Variants in CLTCL1 observed in about 807,000 individuals in gnomAD.
CLTCL1 encodes the protein clathrin heavy chain like 1.
CLTCL1 carries 159 observed loss-of-function variants against 190.0 expected under a neutral mutation model. The ratio of observed to expected loss-of-function variants is 0.84; its 90% CI spans 0.74 to 0.95. The LOEUF is 0.95. Ranked by LOEUF, CLTCL1 falls within the 40% of genes least tolerant of loss-of-function variation. The probability of loss-of-function intolerance (pLI) is 0.00; values close to 1 mark genes in which losing one functional copy is unlikely to be tolerated. For missense variants in CLTCL1, 1,878 were observed against 2,033.4 expected (o/e 0.92, Z 1.47); for synonymous variants, 752 against 769.6 (o/e 0.98, Z 0.38).
At chr22:19,180,371 C>A (rs2084091110) in intron 31 of CLTCL1, 133 bp from the exon 32 acceptor site, 2 of 972,872 alleles carry the variant, frequency 2.1e-6, no homozygotes, top group South Asian at 2.8e-5. Context: ...CACCCCACAG[C>A]CTCTCCAGTC....
rs1398858678 is a variant in CLTCL1, at chr22:19,291,636, C to G, written c.6G>C (p.Ala2=). The change falls in exon 1 of 33, where the codon GCG becomes GCC. Residue 2 remains alanine, a synonymous_variant. Transcript: ENST00000427926. M[A]QILPVRFQEH... is the part of the protein sequence containing the mutation. ...CCTGAAAGCGAACAGGGAGGATCTGCGCCATGGCTGGTGCGGGACCTCGGC... is the reference window on the plus strand; with the variant it reads ...CCTGAAAGCGAACAGGGAGGATCTGGGCCATGGCTGGTGCGGGACCTCGGC... 4 of 1,400,814 alleles carry G rather than the reference C, an allele frequency of 2.9e-6. No homozygotes were observed. In the African/African-American group the frequency reaches 6.0e-5, roughly 21 times the overall value. The allele number at this position is 1,400,814 out of a possible 1,614,324, so 86.8% of individuals were successfully genotyped here.
chr22:19,264,146 T>G (rs2146199645), intron 2 of CLTCL1, among the ~76,000 whole-genome samples: 1 of 152,088 alleles, frequency 6.6e-6, no homozygotes, highest in East Asian at 1.9e-4. Context: ...AAAAATGTTT[T>G]TAATTAGCTG....
chr22:19,282,820 G>C (rs192372379), intron 1 of CLTCL1, among the ~76,000 whole-genome samples: 6 of 150,804 alleles, frequency 4.0e-5, no homozygotes, highest in Admixed American at 4.0e-4. Flanking sequence ...CAGGAACTAA[G>C]TCCCAGAAAA....
At chr22:19,208,706 T>C (rs1181758379) in intron 21 of CLTCL1, among the ~76,000 whole-genome samples, 1 of 151,706 alleles carries the variant, frequency 6.6e-6, no homozygotes, top group Non-Finnish European at 1.5e-5. Flanking sequence ...AATGACCTCA[T>C]CTTGTAAAGG....
chr22:19,209,151 T>C, intron 20 of CLTCL1, 37 bp from the exon 21 acceptor site: 1 of 1,512,294 alleles, frequency 6.6e-7, no homozygotes, highest in Non-Finnish European at 8.9e-7. Flanking sequence ...CTCTGCAACA[T>C]CTAGTCAGCT....
chr22:19,280,037 A>C (rs1164815149), intron 1 of CLTCL1, among the ~76,000 whole-genome samples: 2 of 152,242 alleles, frequency 1.3e-5, no homozygotes, highest in Non-Finnish European at 2.9e-5. Flanking sequence ...AGTCATATAC[A>C]GGGACTGTTT....
chr22:19,251,113 A>G (rs920250804), intron 3 of CLTCL1, among the ~76,000 whole-genome samples: 4 of 151,708 alleles, frequency 2.6e-5, no homozygotes, highest in South Asian at 4.1e-4. Context: ...TGAACATGCA[A>G]TATTTTTCGA....
chr22:19,183,188 G>T (rs1160105382), intron 30 of CLTCL1: 3 of 567,132 alleles, frequency 5.3e-6, no homozygotes, highest in East Asian at 3.0e-5. Context: ...TCCCCATGAT[G>T]ATTTTCTGGA....
chr22:19,252,163 A>G (rs1316984649), intron 3 of CLTCL1, among the ~76,000 whole-genome samples: 1 of 152,194 alleles, frequency 6.6e-6, no homozygotes, highest in East Asian at 1.9e-4. Context: ...CTGCCTTTCA[A>G]CTAGTCTCCT....
At chr22:19,216,355 G>C in intron 18 of CLTCL1, 99 bp from the exon 19 acceptor site, 1 of 1,118,930 alleles carries the variant, frequency 8.9e-7, no homozygotes, top group Non-Finnish European at 1.3e-6. Flanking sequence ...AGATGGTCTG[G>C]AATAGACACA....
Position 19,222,786 on chromosome 22 carries a change from A to C in CLTCL1, c.2316T>G (p.Leu772=). 1 of 1,599,984 alleles carries C rather than the reference A, an allele frequency of 6.3e-7. No individual in the cohort carries two copies. Among genetic ancestry groups the C allele is most frequent in the Non-Finnish European group, 8.5e-7 (1 of 1,173,306 alleles). Residue 772 remains leucine (L), a synonymous_variant, in exon 15 of 33, where the codon CTT becomes CTG. Transcript: ENST00000427926. ...FLKEAKLTDQ[L]PLIIVCDRFG... The stretch of plus-strand genomic sequence containing the variant: ...AACGATCACACACGATGATGAGGGG[A>C]AGCTGGTCTGTGAGCTTGGCCTCCT...
chr22:19,270,927 T>C (rs551005239), intron 2 of CLTCL1, among the ~76,000 whole-genome samples: 1 of 152,070 alleles, frequency 6.6e-6, no homozygotes, highest in South Asian at 2.1e-4. Flanking sequence ...TGTCAAGTTG[T>C]CCTTAGCCTG....
chr22:19,213,417 C>T (rs34534178), intron 19 of CLTCL1, among the ~76,000 whole-genome samples: 10,153 of 152,216 alleles, frequency 0.067, 479 homozygotes, highest in Non-Finnish European at 0.096. Flanking sequence ...AATAGTGAGG[C>T]GGTTTCTTAA....
At chr22:19,193,991 A>G (rs1357228736) in intron 26 of CLTCL1, among the ~76,000 whole-genome samples, 1 of 152,216 alleles carries the variant, frequency 6.6e-6, no homozygotes, top group Non-Finnish European at 1.5e-5. Flanking sequence ...TCGCATGGCC[A>G]GCTTTTATTC....
intron 21 of CLTCL1, 130 bp downstream of exon 21, chr22:19,208,792 T>G (rs2085128745): frequency 1.3e-6 from 1 of 749,298 alleles, no homozygotes; most frequent in Non-Finnish European, 2.1e-6. Flanking sequence ...GAAACTTTCA[T>G]GTAGATGTGC....
intron 3 of CLTCL1, among the ~76,000 whole-genome samples, chr22:19,248,987 A>T (rs1369889283): frequency 6.6e-6 from 1 of 152,228 alleles, no homozygotes; most frequent in African/African-American, 2.4e-5. Flanking sequence ...CTTGTATTGA[A>T]CAACTCCTCT....
chr22:19,209,163 CAA>C, intron 20 of CLTCL1, 49 bp from the exon 21 acceptor site: 1 of 1,475,552 alleles, frequency 6.8e-7, no homozygotes, highest in Non-Finnish European at 9.1e-7. Flanking sequence ...TAGTCAGCTC[CAA>C]AAAACAGACA....
chr22:19,237,011 T>C (rs1255406952), intron 5 of CLTCL1, among the ~76,000 whole-genome samples: 1 of 152,108 alleles, frequency 6.6e-6, no homozygotes, highest in Non-Finnish European at 1.5e-5. Context: ...TAGGTAAATG[T>C]TGTGATCATC....
intron 12 of CLTCL1, 57 bp downstream of exon 12, chr22:19,226,162 G>A (rs1555955813): frequency 6.4e-7 from 1 of 1,566,424 alleles, no homozygotes. Context: ...TGGGGAGCAT[G>A]TGACATTAAT....
Sources: allele counts gnomAD v4.1 joint callset (sites outside exome capture counted in the v4.1 genomes callset), GRCh38; gene constraint gnomAD v4.1.1; transcripts MANE v1.5; gene names NCBI Gene and HGNC (gene_info 2026-07-23, HGNC 2026-07-21).